Variants in EPG5 observed in about 807,000 individuals in gnomAD.
EPG5 encodes the protein ectopic P-granules 5 autophagy tethering factor, also known as ectopic P granules protein 5 homolog.
Under a neutral mutation model 302.7 loss-of-function variants are expected in EPG5, and 159 were observed. That is an observed-to-expected ratio of 0.53 (90% CI 0.46 to 0.60). The LOEUF is 0.60. EPG5 is among the 20% of genes least tolerant of loss of function. The probability of loss-of-function intolerance (pLI) is 0.00; values close to 1 mark genes in which losing one functional copy is unlikely to be tolerated. For synonymous variants in EPG5, 1,158 were observed against 1,136.8 expected (o/e 1.02, Z -0.37); for missense variants, 2,896 against 3,092.4 (o/e 0.94, Z 1.51).
chr18:45,950,707 GA>G (rs1260140537), intron 4 of EPG5, among the ~76,000 whole-genome samples: 9 of 152,152 alleles, frequency 5.9e-5, no homozygotes, highest in African/African-American at 2.2e-4. Flanking sequence ...CTTAGGTGTG[GA>G]ATTTTCCACT....
At chr18:45,901,279 C>G in intron 25 of EPG5, 112 bp from the exon 26 acceptor site, 2 of 881,200 alleles carry the variant, frequency 2.3e-6, no homozygotes, top group South Asian at 1.8e-5. Context: ...TATAGTCTTA[C>G]GATAGTTGAA....
chr18:45,913,954 T>C (rs571749482), intron 20 of EPG5, 126 bp from the exon 21 acceptor site: 1 of 1,168,804 alleles, frequency 8.6e-7, no homozygotes, highest in African/African-American at 1.5e-5. Context: ...TTGCAGTTTC[T>C]AAAATTAACA....
intron 27 of EPG5, among the ~76,000 whole-genome samples, chr18:45,897,647 T>C (rs2049509160): frequency 6.6e-6 from 1 of 152,204 alleles, no homozygotes; most frequent in African/African-American, 2.4e-5. Context: ...GTCGCACATA[T>C]TTACAATAAC....
At position 45,849,629 on chromosome 18, in the gene EPG5, G is replaced by C. The variant is rs367811559; in HGVS notation, c.*2838C>G. The stretch of plus-strand genomic sequence containing the variant: ...GAGAGGAACCAGGAGGCCGTCACTT[G>C]GTTGAAAGGAAGTTAGGCTGGTCTA... On this transcript the variant is annotated 3_prime_UTR_variant, in exon 44 of 44. Coordinates refer to ENST00000282041, the MANE Select transcript of EPG5 (RefSeq NM_020964.3). 2 of 152,272 alleles carry C rather than the reference G, an allele frequency of 1.3e-5. No individual in the cohort carries two copies. The highest frequency in any genetic ancestry group is 2.1e-4 in the South Asian group (1 of 4,826). 9.4% of individuals were successfully genotyped at this position (152,272 alleles called of 1,614,324 possible). A position where few individuals can be genotyped will look rare whatever the true frequency, so the allele number is the denominator to read the frequency against.
the EPG5 span, chr18:45,825,891 G>C: frequency 5.4e-6 from 7 of 1,298,536 alleles, no homozygotes; most frequent in African/African-American, 4.4e-5. Context: ...GAGCCTCCAG[G>C]CCTGTGGAGG....
At position 45,880,157 on chromosome 18, in the gene EPG5, G is replaced by A. The variant is rs755556298; in HGVS notation, c.5585C>T (p.Ala1862Val). The A allele has an allele frequency of 8.7e-6, 14 of 1,612,000 alleles. No homozygotes were observed. The highest frequency in any genetic ancestry group is 3.3e-5 in the Admixed American group (2 of 59,956). ...KATLRALGCCAPSCQQGAAST... is the reference protein window; with the variant it reads ...KATLRALGCCVPSCQQGAAST... ...CGCTGCCCCCTGCTGGCAGCTGGGG[G>A]CGCAGCAGCCCAGGGCTCTCAGAGT... Residue 1862 changes from alanine to valine, a missense_variant, in exon 32 of 44, where the codon GCC becomes GTC. This residue lies in a region of EPG5 where 790 missense variants were observed against 798.0 expected (regional missense o/e 0.99). Transcript: ENST00000282041.
intron 39 of EPG5, 147 bp downstream of exon 39, chr18:45,865,468 T>A: frequency 1.2e-6 from 1 of 835,620 alleles, no homozygotes; most frequent in Non-Finnish European, 1.9e-6. Context: ...CACTGCTGAG[T>A]CCCTGGTGTC....
intron 23 of EPG5, 71 bp downstream of exon 23, chr18:45,910,450 C>T: frequency 3.4e-6 from 4 of 1,176,618 alleles, no homozygotes; most frequent in Non-Finnish European, 4.8e-6. Flanking sequence ...CAGTTTGTAA[C>T]ACAGTTAACT....
the EPG5 span, among the ~76,000 whole-genome samples, chr18:45,805,921 T>C: frequency 6.6e-6 from 1 of 152,234 alleles, no homozygotes; most frequent in East Asian, 1.9e-4. Context: ...TTGAAGATTT[T>C]AGCATCCTTC....
chr18:45,823,461 T>C, the EPG5 span, among the ~76,000 whole-genome samples: 4 of 152,160 alleles, frequency 2.6e-5, no homozygotes, highest in African/African-American at 7.2e-5. Context: ...ACACTTGGCA[T>C]TCCATCGGTA....
intron 8 of EPG5, 108 bp from the exon 9 acceptor site, chr18:45,943,419 G>A: frequency 1.1e-6 from 1 of 881,766 alleles, no homozygotes; most frequent in Non-Finnish European, 1.8e-6. Context: ...AGGTGGAGAA[G>A]AACTGACAGT....
At chr18:45,827,224 AAC>A in the EPG5 span, among the ~76,000 whole-genome samples, 1 of 152,188 alleles carries the variant, frequency 6.6e-6, no homozygotes, top group Admixed American at 6.5e-5. Flanking sequence ...CAGAGAAAGG[AAC>A]TCTTCCCTAT....
At chr18:45,865,806 G>A (rs1160037871) in intron 38 of EPG5, 47 bp from the exon 39 acceptor site, 1 of 1,580,992 alleles carries the variant, frequency 6.3e-7, no homozygotes, top group South Asian at 1.1e-5. Context: ...TCCAAGCAAG[G>A]AGTGTTAACT....
chr18:45,884,623 T>G lies in EPG5; in HGVS notation c.5298A>C (p.Leu1766=), dbSNP rs2049179334. The part of the protein sequence containing the change: ...EDNSDMIFML[L]TKFDLKQWLS... ...GGATGGAATTACATCTTACCTTGGT[T>G]AGCAGCATGAAAATCATATCACTGT... The change falls in exon 30 of 44, where the codon CTA becomes CTC. Residue 1766 remains leucine, a synonymous_variant. Coordinates refer to ENST00000282041, the MANE Select transcript of EPG5 (RefSeq NM_020964.3). The G allele has an allele frequency of 6.2e-7, 1 of 1,601,926 alleles. No homozygotes were observed. The highest frequency in any genetic ancestry group is 1.7e-4 in the Middle Eastern group (1 of 6,032).
At chr18:45,927,959 C>T (rs182488909) in intron 13 of EPG5, among the ~76,000 whole-genome samples, 3 of 151,954 alleles carry the variant, frequency 2.0e-5, no homozygotes, top group Admixed American at 6.5e-5. Flanking sequence ...TTTGGGAGAC[C>T]GAGGTGGGTG....
At chr18:45,949,645 T>G (rs560850412) in intron 4 of EPG5, 54 bp from the exon 5 acceptor site, 22 of 1,189,336 alleles carry the variant, frequency 1.8e-5, no homozygotes, top group Non-Finnish European at 2.6e-5. Context: ...AAATAATTTA[T>G]CTAGGGGTCT....
At chr18:45,844,791 C>T (rs1318837547), downstream of EPG5, among the ~76,000 whole-genome samples, 1 of 152,142 alleles carries the variant, frequency 6.6e-6, no homozygotes, top group Non-Finnish European at 1.5e-5. Context: ...TATGGGGATG[C>T]TTTGGGGCAC....
At position 45,913,045 on chromosome 18, in the gene EPG5, G is replaced by A. The variant is rs2049944153; in HGVS notation, c.3817-589C>T. Among the ~76,000 whole-genome samples the A allele has an allele frequency of 2.7e-5, 4 of 150,578 alleles. No homozygotes were observed. The South Asian group carries it at 8.4e-4, about 32-fold the overall frequency. On this transcript the variant is annotated intron_variant, in intron 21 of 43. Coordinates refer to ENST00000282041, the MANE Select transcript of EPG5 (RefSeq NM_020964.3). ...GGAGGTTGCAGTGAGCTGAGATTGT[G>A]CCATTGTAAAATTCCAGCCCGGGCG...
the EPG5 span, among the ~76,000 whole-genome samples, chr18:45,802,770 T>G: frequency 1.3e-5 from 2 of 152,250 alleles, no homozygotes; most frequent in Non-Finnish European, 2.9e-5. Context: ...TAGGATCTCA[T>G]GCTCTCTTGA....
Sources: allele counts gnomAD v4.1 joint callset (sites outside exome capture counted in the v4.1 genomes callset), GRCh38; gene constraint gnomAD v4.1.1; regional missense constraint gnomAD v4.1.1; transcripts MANE v1.5; gene names NCBI Gene and HGNC (gene_info 2026-07-23, HGNC 2026-07-21).